Variants in NACC2 observed in about 807,000 individuals in gnomAD.
The protein encoded by NACC2 is NACC family member 2, also known as nucleus accumbens-associated protein 2.
In NACC2, 8 loss-of-function variants were observed where a neutral mutation model predicts 25.1. The observed-to-expected ratio is 0.32, with a 90% CI of 0.19 to 0.57. The LOEUF is 0.57. Among genes scored for constraint, NACC2 ranks in the 20% least tolerant of loss-of-function variants. The probability of loss-of-function intolerance (pLI) is 0.89; values close to 1 mark genes in which losing one functional copy is unlikely to be tolerated. For synonymous variants in NACC2, 435 were observed against 294.7 expected, an observed-to-expected ratio of 1.48 and a Z score of -4.88; for missense variants, 644 against 650.2, an observed-to-expected ratio of 0.99 and a Z score of 0.10.
At chr9:136,048,752 G>A (rs1840767439) in intron 2 of NACC2, among the ~76,000 whole-genome samples, 1 of 152,218 alleles carries the variant, frequency 6.6e-6, no homozygotes, top group African/African-American at 2.4e-5. Context: ...CTGGTGGGTG[G>A]TCCTGGCCCC....
At chr9:136,066,947 T>TTA (rs1234638006) in intron 1 of NACC2, among the ~76,000 whole-genome samples, 89 of 140,148 alleles carry the variant, frequency 6.4e-4, no homozygotes, top group African/African-American at 2.1e-3. Flanking sequence ...TTAAAAAGAT[T>TTA]AAAAAAAAAA....
chr9:136,056,299 G>A (rs1292784656), intron 1 of NACC2, among the ~76,000 whole-genome samples: 2 of 152,234 alleles, frequency 1.3e-5, no homozygotes, highest in Admixed American at 1.3e-4. Context: ...CAGATGAGAT[G>A]CAGCAGCTCT....
intron 1 of NACC2, among the ~76,000 whole-genome samples, chr9:136,061,247 C>T (rs1042530012): frequency 2.6e-5 from 4 of 152,210 alleles, no homozygotes; most frequent in African/African-American, 9.6e-5. Context: ...ACTCCTGACA[C>T]CCCAGCTGGA....
In NACC2 at chr9:136,019,940, C is replaced by A. The variant is rs1293472102; in HGVS notation, c.887-3511G>T. 2.0e-5 allele frequency among the ~76,000 whole-genome samples: 3 copies of A among 152,028 alleles called. No individual in the cohort carries two copies. ...ATCCCGGGGCTCCACTCGCAGGCGG[C>A]CCCCAGAGTCGTCAGGTCCACAGAG... On this transcript the variant is annotated intron_variant, in intron 2 of 5. Transcript: ENST00000277554. This position sits in a 1 kb window ranked among gnomAD's most constrained non-coding sequence, Gnocchi z 5.2.
At chr9:136,077,696 C>T (rs1830277857) in intron 1 of NACC2, among the ~76,000 whole-genome samples, 1 of 152,200 alleles carries the variant, frequency 6.6e-6, no homozygotes, top group Non-Finnish European at 1.5e-5. Flanking sequence ...TGTGTGGTCA[C>T]CCGGGAAATG....
intron 1 of NACC2, among the ~76,000 whole-genome samples, chr9:136,061,826 C>A (rs1002862901): frequency 2.0e-5 from 3 of 152,018 alleles, no homozygotes; most frequent in Non-Finnish European, 2.9e-5. Flanking sequence ...CAGGCCATTA[C>A]GAAAAGTTGG....
rs1046698105 is a variant in NACC2, at chr9:136,008,567, C to T, written c.*2949G>A. On this transcript the variant is annotated 3_prime_UTR_variant, in exon 6 of 6. Transcript: ENST00000277554. Reference sequence around the variant, plus strand: ...AGGGTCTGGATGAGTCAGGGTCACACTCACAGGACAGGACAACCCCGGATT... The same window carrying T: ...AGGGTCTGGATGAGTCAGGGTCACATTCACAGGACAGGACAACCCCGGATT... 3.3e-5 allele frequency: 5 copies of T among 152,302 alleles called. No homozygotes were observed. The highest frequency in any genetic ancestry group is 7.3e-5 in the Non-Finnish European group (5 of 68,098). 9.4% of individuals were successfully genotyped at this position (152,302 alleles called of 1,614,324 possible).
At chr9:136,047,823 A>T (rs1840753110) in intron 2 of NACC2, among the ~76,000 whole-genome samples, 1 of 152,092 alleles carries the variant, frequency 6.6e-6, no homozygotes, top group Non-Finnish European at 1.5e-5. Flanking sequence ...AGGCGATGTG[A>T]GGGCTTAAGG....
chr9:136,073,415 G>A (rs1830221101), intron 1 of NACC2, among the ~76,000 whole-genome samples: 1 of 151,090 alleles, frequency 6.6e-6, no homozygotes, highest in Admixed American at 6.7e-5. Flanking sequence ...GGGTGACAGA[G>A]CAAGACTGTC....
intron 1 of NACC2, among the ~76,000 whole-genome samples, chr9:136,090,896 A>T (rs1040619428): frequency 6.6e-6 from 1 of 151,850 alleles, no homozygotes; most frequent in African/African-American, 2.4e-5. Context: ...GTGACTATAT[A>T]TGGGCACTTT....
intron 1 of NACC2, among the ~76,000 whole-genome samples, chr9:136,069,787 G>A (rs1841129102): frequency 6.6e-6 from 1 of 151,788 alleles, no homozygotes; most frequent in Non-Finnish European, 1.5e-5. Flanking sequence ...AATCCTAAAT[G>A]TCCATGTACC....
At chr9:136,025,193 C>T (rs1033016525) in intron 2 of NACC2, among the ~76,000 whole-genome samples, 8 of 152,216 alleles carry the variant, frequency 5.3e-5, no homozygotes, top group African/African-American at 1.9e-4. Context: ...AAACCAGAAG[C>T]ACACCGGCCT....
At chr9:136,035,050 C>T (rs1048604017) in intron 2 of NACC2, among the ~76,000 whole-genome samples, 7 of 152,098 alleles carry the variant, frequency 4.6e-5, no homozygotes, top group Non-Finnish European at 7.4e-5. Flanking sequence ...GCTGATATCA[C>T]GCCACTGCAC....
At chr9:136,040,260 G>C (rs1425152377) in intron 2 of NACC2, among the ~76,000 whole-genome samples, 1 of 151,816 alleles carries the variant, frequency 6.6e-6, no homozygotes, top group African/African-American at 2.4e-5. Context: ...CAGGAGAATG[G>C]CGTGAACCCA....
chr9:136,050,225 C>T lies in NACC2; in HGVS notation c.297G>A (p.Val99=). 1 of 772,586 alleles carries T rather than the reference C, an allele frequency of 1.3e-6. No individual in the cohort carries two copies. Among genetic ancestry groups the T allele is most frequent in the Non-Finnish European group, 2.4e-6 (1 of 415,870 alleles). The allele number at this position is 772,586 out of a possible 1,614,324, so 47.9% of individuals were successfully genotyped here. A position where few individuals can be genotyped will look rare whatever the true frequency, so the allele number is the denominator to read the frequency against. The change falls in exon 2 of 6, where the codon GTG becomes GTA. Residue 99 remains valine (V), a synonymous_variant. Coordinates refer to ENST00000277554, the MANE Select transcript of NACC2 (RefSeq NM_144653.5). Reference sequence around the variant, plus strand: ...GCAGGAAGCCGGCCGTGTACATGACCACGAGCTGCTCGCTGGCCGTCATGG... The same window carrying T: ...GCAGGAAGCCGGCCGTGTACATGACTACGAGCTGCTCGCTGGCCGTCATGG... ...RLTMTASEQL[V]VMYTAGFLQI...
chr9:136,087,911 C>T (rs1830395242), intron 1 of NACC2, among the ~76,000 whole-genome samples: 1 of 152,194 alleles, frequency 6.6e-6, no homozygotes, highest in Non-Finnish European at 1.5e-5. Context: ...CCGGCCGTGG[C>T]CCAGGAAGGC....
chr9:136,070,091 CA>C (rs2131177611), intron 1 of NACC2, among the ~76,000 whole-genome samples: 1 of 152,018 alleles, frequency 6.6e-6, no homozygotes, highest in Non-Finnish European at 1.5e-5. Flanking sequence ...CTTAAAATTA[CA>C]CAGTGTGTTC....
At chr9:136,088,568 C>G (rs1344887951) in intron 1 of NACC2, among the ~76,000 whole-genome samples, 1 of 152,208 alleles carries the variant, frequency 6.6e-6, no homozygotes, top group African/African-American at 2.4e-5. Context: ...GACCCAGGTC[C>G]GGTGACCACC....
rs1042507257 is a variant in NACC2 at position 136,045,699 on chromosome 9, A to G, written c.886+3937T>C. ...CGACCTCAGCGGTCTGCCATGCCAC[A>G]GGTGCCCGTCCTCAGCTTGGGTGAC... On this transcript the variant is annotated intron_variant, in intron 2 of 5. Transcript: ENST00000277554. 2.2e-4 allele frequency among the ~76,000 whole-genome samples: 33 copies of G among 152,138 alleles called. 1 individual carries two copies. Among genetic ancestry groups the G allele is most frequent in the Non-Finnish European group, 4.3e-4 (29 of 68,018 alleles).
Sources: allele counts gnomAD v4.1 joint callset (sites outside exome capture counted in the v4.1 genomes callset), GRCh38; gene constraint gnomAD v4.1.1; non-coding constraint Gnocchi (gnomAD v3.1); transcripts MANE v1.5; gene names NCBI Gene and HGNC (gene_info 2026-07-23, HGNC 2026-07-21).